Variants in PTPRD observed in about 807,000 individuals in gnomAD.
The protein encoded by PTPRD is receptor-type tyrosine-protein phosphatase delta.
Under a neutral mutation model 214.5 loss-of-function variants are expected in PTPRD, and 34 were observed. The ratio of observed to expected loss-of-function variants is 0.16; its 90% CI spans 0.12 to 0.21. PTPRD has a LOEUF of 0.21. PTPRD is among the 10% of genes least tolerant of loss of function. The probability of loss-of-function intolerance (pLI) is 1.00; values close to 1 mark genes in which losing one functional copy is unlikely to be tolerated. For synonymous variants in PTPRD, 1,128 were observed against 845.7 expected, an observed-to-expected ratio of 1.33 and a Z score of -5.79; for missense variants, 2,545 against 2,398.7, an observed-to-expected ratio of 1.06 and a Z score of -1.27.
chr9:10,184,209 G>C (rs1045277621), intron 3 of PTPRD, among the ~76,000 whole-genome samples: 6 of 152,134 alleles, frequency 3.9e-5, no homozygotes, highest in African/African-American at 1.4e-4. Context: ...CAGATTACTT[G>C]ATGTCAGGGG....
intron 2 of PTPRD, among the ~76,000 whole-genome samples, chr9:10,379,727 C>T (rs1355245776): frequency 1.3e-5 from 2 of 151,856 alleles, no homozygotes; most frequent in Admixed American, 6.6e-5. Context: ...GCCTTAAAAC[C>T]TTTATGTCTT....
At chr9:8,765,146 C>T (rs1273603222) in intron 11 of PTPRD, among the ~76,000 whole-genome samples, 4 of 152,102 alleles carry the variant, frequency 2.6e-5, no homozygotes, top group East Asian at 1.9e-4. Context: ...ATGCTAAATA[C>T]GATTTAAACA....
chr9:9,302,119 G>T (rs1218835833), intron 9 of PTPRD, among the ~76,000 whole-genome samples: 3 of 151,940 alleles, frequency 2.0e-5, no homozygotes, highest in Admixed American at 6.6e-5. Context: ...TGGTTACTAA[G>T]AGCAATGCAA....
At chr9:8,631,892 C>A (rs537264702) in intron 14 of PTPRD, among the ~76,000 whole-genome samples, 22 of 151,674 alleles carry the variant, frequency 1.5e-4, no homozygotes, top group African/African-American at 5.3e-4. Context: ...ATGTGTTGGT[C>A]AGGGAATGGG....
At chr9:9,795,709 T>A (rs1053609667) in intron 5 of PTPRD, among the ~76,000 whole-genome samples, 1 of 152,202 alleles carries the variant, frequency 6.6e-6, no homozygotes, top group African/African-American at 2.4e-5. Flanking sequence ...CCAGCAGTAC[T>A]TCAAACTGCA....
intron 23 of PTPRD, among the ~76,000 whole-genome samples, chr9:8,502,848 G>GTATATATATATATATATA (rs556444172): frequency 8.8e-5 from 13 of 147,154 alleles, no homozygotes; most frequent in African/African-American, 3.3e-4. Flanking sequence ...ATGTGTGTGT[G>GTATATATATATATATATA]TATATATATA....
At chr9:8,727,271 C>T (rs1011477309) in intron 12 of PTPRD, among the ~76,000 whole-genome samples, 3 of 152,196 alleles carry the variant, frequency 2.0e-5, no homozygotes, top group Admixed American at 6.5e-5. Context: ...GAAATGTACA[C>T]GTGTTGATTT....
chr9:10,314,216 T>A (rs2096356667), intron 3 of PTPRD, among the ~76,000 whole-genome samples: 1 of 151,886 alleles, frequency 6.6e-6, no homozygotes, highest in Admixed American at 6.6e-5. Context: ...GAAAGGATAT[T>A]CTGGAAGTGT....
Position 8,774,945 on chromosome 9 carries a change from G to A in PTPRD, c.-103-40999C>T, listed in dbSNP as rs901111642. Among the ~76,000 whole-genome samples the A allele has an allele frequency of 5.9e-5, 9 of 152,092 alleles. No homozygotes were observed. In the East Asian group the frequency reaches 1.7e-3, roughly 29 times the overall value. ...CCATATTTTCAATTGAAAATATAGT[G>A]AATATAAAGGAAAAATTAAAGTCTC... On this transcript the variant is annotated intron_variant, in intron 11 of 45. Transcript: ENST00000381196.
chr9:9,794,572 T>A (rs1019245973), intron 5 of PTPRD, among the ~76,000 whole-genome samples: 3 of 152,112 alleles, frequency 2.0e-5, no homozygotes. Context: ...AAGGAGAATT[T>A]AGACTCTTTA....
intron 5 of PTPRD, among the ~76,000 whole-genome samples, chr9:9,904,483 G>C (rs981193143): frequency 1.3e-5 from 2 of 152,056 alleles, no homozygotes; most frequent in East Asian, 3.9e-4. Context: ...TCCTCAATTA[G>C]ACTGTAATTA....
intron 2 of PTPRD, among the ~76,000 whole-genome samples, chr9:10,396,731 T>C (rs2098177864): frequency 6.6e-6 from 1 of 152,002 alleles, no homozygotes; most frequent in Non-Finnish European, 1.5e-5. Context: ...AATGGGGAAG[T>C]ATACATAACA....
At chr9:9,856,589 C>A (rs1005919662) in intron 5 of PTPRD, among the ~76,000 whole-genome samples, 3 of 149,652 alleles carry the variant, frequency 2.0e-5, no homozygotes, top group Non-Finnish European at 4.4e-5. Context: ...TGACAATTCC[C>A]AGCAATCAGA....
intron 4 of PTPRD, among the ~76,000 whole-genome samples, chr9:9,981,522 T>A (rs1588088875): frequency 4.5e-4 from 2 of 4,462 alleles, no homozygotes; most frequent in South Asian, 7.5e-3. Flanking sequence ...GCCTGGCTAA[T>A]TTTTTTTTGT....
intron 4 of PTPRD, among the ~76,000 whole-genome samples, chr9:10,033,449 G>C (rs992456807): frequency 2.0e-5 from 3 of 151,646 alleles, no homozygotes; most frequent in Admixed American, 6.6e-5. Context: ...AGTAATACTA[G>C]CACAACTTTA....
chr9:9,044,519 T>TA (rs1360039161), intron 10 of PTPRD, among the ~76,000 whole-genome samples: 1 of 152,204 alleles, frequency 6.6e-6, no homozygotes, highest in Non-Finnish European at 1.5e-5. Flanking sequence ...TTGTGAACAC[T>TA]AACTAGTTTA....
chr9:9,442,233 G>C (rs1588533658), intron 8 of PTPRD: 1 of 152,224 alleles, frequency 6.6e-6, no homozygotes, highest in Non-Finnish European at 1.5e-5. Context: ...GGTTGCCTAA[G>C]GAGGGGTGAA....
At chr9:9,374,171 G>A (rs1247055399) in intron 9 of PTPRD, among the ~76,000 whole-genome samples, 2 of 151,958 alleles carry the variant, frequency 1.3e-5, no homozygotes, top group Non-Finnish European at 2.9e-5. Context: ...CAGATTTTAT[G>A]TAAAGTATTC....
At chr9:9,074,955 C>T (rs1020050319) in intron 10 of PTPRD, among the ~76,000 whole-genome samples, 2 of 149,380 alleles carry the variant, frequency 1.3e-5, no homozygotes, top group East Asian at 1.9e-4. Context: ...TATCACAGAT[C>T]ACTGACAATA....
Sources: allele counts gnomAD v4.1 joint callset (sites outside exome capture counted in the v4.1 genomes callset), GRCh38; gene constraint gnomAD v4.1.1; transcripts MANE v1.5; gene names NCBI Gene and HGNC (gene_info 2026-07-23, HGNC 2026-07-21).